Variants in INTS8 observed in about 807,000 individuals in gnomAD.
The protein encoded by INTS8 is protein kaonashi-1.
A neutral mutation model predicts 138.9 loss-of-function variants in INTS8; 47 were observed. The ratio of observed to expected loss-of-function variants is 0.34; its 90% CI spans 0.27 to 0.43. The LOEUF (loss-of-function observed/expected upper bound fraction) is 0.43, where lower values mean the gene tolerates loss of function less well. Ranked by LOEUF, INTS8 falls within the 20% of genes least tolerant of loss-of-function variation. The pLI is 1.00. For synonymous variants in INTS8, 392 were observed against 400.9 expected, an observed-to-expected ratio of 0.98 and a Z score of 0.27; for missense variants, 996 against 1,173.0, an observed-to-expected ratio of 0.85 and a Z score of 2.20.
At chr8:94,839,886 A>G (rs996265783) in intron 8 of INTS8, among the ~76,000 whole-genome samples, 2 of 152,090 alleles carry the variant, frequency 1.3e-5, no homozygotes, top group Non-Finnish European at 2.9e-5. Context: ...ACAGAGCAAG[A>G]CCCTGCCTCA....
chr8:94,842,285 T>A, intron 9 of INTS8, 62 bp from the exon 10 acceptor site: 7 of 1,138,574 alleles, frequency 6.1e-6, no homozygotes, highest in Non-Finnish European at 8.7e-6. Flanking sequence ...TATAGTTGTA[T>A]AATATACACC....
intron 12 of INTS8, among the ~76,000 whole-genome samples, chr8:94,850,989 T>C (rs1815522634): frequency 6.6e-6 from 1 of 152,212 alleles, no homozygotes; most frequent in Non-Finnish European, 1.5e-5. Context: ...AGATTTAAAC[T>C]GGTTGAATGT....
Position 94,828,018 on chromosome 8 carries a change from T to C in INTS8, c.518+225T>C, listed in dbSNP as rs550540643. ...AGTGCTTTGGGAATTGTGCCATTTA[T>C]CTGAAAGCAGTCAAGTTTTTTTTTT... On this transcript the variant is annotated intron_variant, in intron 4 of 26. Coordinates refer to ENST00000523731, the MANE Select transcript of INTS8 (RefSeq NM_017864.4). 1.9e-3 allele frequency among the ~76,000 whole-genome samples: 283 copies of C among 150,456 alleles called. 3 individuals are homozygous for C. Among genetic ancestry groups the C allele is most frequent in the Non-Finnish European group, 9.3e-4 (63 of 67,866 alleles).
In INTS8 at chr8:94,859,833, A is replaced by G. The variant is rs1815887780; in HGVS notation, c.2076+201A>G. The G allele has an allele frequency of 6.0e-6, 3 of 500,276 alleles. 1 individual carries two copies. The South Asian group carries it at 6.7e-5, about 11-fold the overall frequency. 31.0% of individuals were successfully genotyped at this position (500,276 alleles called of 1,614,324 possible). On this transcript the variant is annotated intron_variant, in intron 16 of 26. Transcript: ENST00000523731. Reference sequence around the variant, plus strand: ...TAATATTTCTTTCTAATGCCCTGTAATTCATGAGCATGTAGTCACAGATTA... The same window carrying G: ...TAATATTTCTTTCTAATGCCCTGTAGTTCATGAGCATGTAGTCACAGATTA...
intron 22 of INTS8, 107 bp downstream of exon 22, chr8:94,873,584 C>A: frequency 1.4e-6 from 1 of 720,114 alleles, no homozygotes; most frequent in Non-Finnish European, 2.5e-6. Context: ...GATCGTAAGT[C>A]CCAGGTTCAT....
At position 94,875,853 on chromosome 8, in the gene INTS8, TCAAA is replaced by T. The variant is rs1366356719; in HGVS notation, c.2689-215_2689-212del. 1.3e-5 allele frequency: 6 copies of T among 464,214 alleles called. No individual in the cohort carries two copies. The East Asian group carries it at 2.0e-4, about 16-fold the overall frequency. The allele number at this position is 464,214 out of a possible 1,614,324, so 28.8% of individuals were successfully genotyped here. On this transcript the variant is annotated intron_variant, in intron 23 of 26. Coordinates refer to ENST00000523731, the MANE Select transcript of INTS8 (RefSeq NM_017864.4). ...AACTGGCTTTTTGCCAGCTTCTCAT[TCAAA>T]CAAACCTCTAAAATTTGTGGTTGAG...
rs186556314 is a variant in INTS8, at chr8:94,837,243, A to G, written c.861+612A>G. 4.8e-3 allele frequency among the ~76,000 whole-genome samples: 725 copies of G among 152,284 alleles called. 7 individuals are homozygous for G. The highest frequency in any genetic ancestry group is 7.2e-3 in the Non-Finnish European group (488 of 68,014). On this transcript the variant is annotated intron_variant, in intron 7 of 26. Transcript: ENST00000523731. ...AGTATCTTTTATAAACTTGGCTTTCATTAATTCCTAATATGGGTAAACATT... is the reference window on the plus strand; with the variant it reads ...AGTATCTTTTATAAACTTGGCTTTCGTTAATTCCTAATATGGGTAAACATT...
At chr8:94,863,826 A>G (rs539765697) in intron 16 of INTS8, among the ~76,000 whole-genome samples, 1 of 152,338 alleles carries the variant, frequency 6.6e-6, no homozygotes, top group Non-Finnish European at 1.5e-5. Flanking sequence ...AGCTGCATGT[A>G]TTGTGATTCC....
intron 26 of INTS8, among the ~76,000 whole-genome samples, chr8:94,877,983 T>C (rs1354911589): frequency 6.6e-6 from 1 of 152,140 alleles, no homozygotes; most frequent in African/African-American, 2.4e-5. Context: ...TGGAATCCAG[T>C]TTTTAAGTTT....
intron 11 of INTS8, 92 bp from the exon 12 acceptor site, chr8:94,849,824 T>G: frequency 1.1e-6 from 1 of 942,602 alleles, no homozygotes; most frequent in Non-Finnish European, 1.6e-6. Context: ...ATGGTGGCTT[T>G]TTAAATGGCT....
At chr8:94,859,737 A>T (rs945391780) in intron 16 of INTS8, 105 bp downstream of exon 16, 1 of 865,356 alleles carries the variant, frequency 1.2e-6, no homozygotes, top group Admixed American at 2.5e-5. Context: ...GATACAAATG[A>T]TTGGACAAAT....
intron 6 of INTS8, among the ~76,000 whole-genome samples, chr8:94,832,534 A>T (rs1310041191): frequency 1.3e-5 from 2 of 152,226 alleles, no homozygotes; most frequent in East Asian, 3.8e-4. Flanking sequence ...AAAAATCTAG[A>T]CCTCAAGAGA....
At chr8:94,830,777 T>C (rs1814684147) in intron 5 of INTS8, among the ~76,000 whole-genome samples, 1 of 152,164 alleles carries the variant, frequency 6.6e-6, no homozygotes, top group Admixed American at 6.6e-5. Flanking sequence ...GTATTACATA[T>C]ATGAGTCACT....
Position 94,881,367 on chromosome 8 carries a change from C to T in INTS8, c.*1133C>T, listed in dbSNP as rs1017002193. The stretch of plus-strand genomic sequence containing the variant: ...AGGAAAAACATTGCTATGGTATAGA[C>T]TGTGGTTGGCTTCTATCCAGTAACC... On this transcript the variant is annotated 3_prime_UTR_variant, in exon 27 of 27. Transcript: ENST00000523731. 4.0e-6 allele frequency: 2 copies of T among 497,650 alleles called. No individual in the cohort carries two copies. The highest frequency in any genetic ancestry group is 7.1e-6 in the Non-Finnish European group (2 of 281,902). 30.8% of individuals were successfully genotyped at this position (497,650 alleles called of 1,614,324 possible).
In INTS8 at chr8:94,851,575, T is replaced by G; in HGVS notation, c.1530T>G (p.Gly510=). 6.3e-7 allele frequency: 1 copy of G among 1,585,974 alleles called. No homozygotes were observed. Among genetic ancestry groups the G allele is most frequent in the Non-Finnish European group, 8.5e-7 (1 of 1,170,406 alleles). Residue 510 remains glycine, a synonymous_variant, in exon 13 of 27, where the codon GGT becomes GGG. Transcript: ENST00000523731. ...DIPASASVNI[G]QLEHQLILSV... is the part of the protein sequence containing the mutation. ...TAGCTTCAGCAAGTGTCAACATTGG[T>G]CAGTTAGAGCATCAACTTATATTGT...
At chr8:94,862,696 G>A (rs1816036316) in intron 16 of INTS8, among the ~76,000 whole-genome samples, 3 of 152,114 alleles carry the variant, frequency 2.0e-5, no homozygotes, top group Non-Finnish European at 2.9e-5. Context: ...GGTGGTTAGG[G>A]TTTTGTGTGC....
chr8:94,846,324 C>T (rs963406478), intron 10 of INTS8, among the ~76,000 whole-genome samples: 15 of 152,028 alleles, frequency 9.9e-5, no homozygotes, highest in African/African-American at 3.4e-4. Flanking sequence ...GCCCAGGCTG[C>T]AGTGCAATGG....
chr8:94,830,891 G>C (rs1352359081), intron 5 of INTS8, among the ~76,000 whole-genome samples: 1 of 150,678 alleles, frequency 6.6e-6, no homozygotes, highest in Non-Finnish European at 1.5e-5. Context: ...TCTGCCTCCC[G>C]GGTTCAAGCG....
intron 1 of INTS8, 124 bp downstream of exon 1, chr8:94,823,685 A>C: frequency 1.3e-6 from 1 of 740,902 alleles, no homozygotes; most frequent in Non-Finnish European, 2.1e-6. Flanking sequence ...ACAGGAGCCC[A>C]GCTCCGGCCG....
Sources: gnomAD v4.1 joint callset for allele counts (sites outside exome capture counted in the v4.1 genomes callset) on GRCh38, gnomAD v4.1.1 for gene constraint, MANE v1.5 for transcripts, NCBI Gene and HGNC (gene_info 2026-07-23, HGNC 2026-07-21) for gene names.